STIM2: variants seen among roughly 807,000 people sequenced by gnomAD.
The protein encoded by STIM2 is stromal interaction molecule 2.
In STIM2, 31 loss-of-function variants were observed where a neutral mutation model predicts 85.8. That is an observed-to-expected ratio of 0.36 (90% confidence interval 0.27 to 0.49). The LOEUF is 0.49. Ranked by LOEUF, STIM2 falls within the 20% of genes least tolerant of loss-of-function variation. STIM2 has a pLI of 0.98. For synonymous variants in STIM2, 356 were observed against 331.1 expected, an observed-to-expected ratio of 1.08 and a Z score of -0.82; for missense variants, 841 against 927.6, an observed-to-expected ratio of 0.91 and a Z score of 1.21.
chr4:26,902,743 A>C (rs1296950823), intron 1 of STIM2, among the ~76,000 whole-genome samples: 1 of 152,122 alleles, frequency 6.6e-6, no homozygotes, highest in South Asian at 2.1e-4. Flanking sequence ...ATTTCTATCC[A>C]TTTGATGCCA....
At chr4:26,973,111 T>C (rs545403091) in intron 3 of STIM2, among the ~76,000 whole-genome samples, 2 of 152,300 alleles carry the variant, frequency 1.3e-5, no homozygotes, top group South Asian at 2.1e-4. Flanking sequence ...TTTTATTGTG[T>C]CTATTTGATT....
chr4:26,949,587 A>G (rs1725969482), intron 2 of STIM2, among the ~76,000 whole-genome samples: 1 of 152,218 alleles, frequency 6.6e-6, no homozygotes, highest in Non-Finnish European at 1.5e-5. Context: ...AAGTGGTAAT[A>G]ACCTCTAATC....
At chr4:26,921,900 C>A (rs1156393867) in intron 2 of STIM2, among the ~76,000 whole-genome samples, 2 of 152,170 alleles carry the variant, frequency 1.3e-5, no homozygotes, top group Non-Finnish European at 2.9e-5. Flanking sequence ...TGATTAAAAT[C>A]ATTCGATTAG....
chr4:26,895,514 CTTT>C (rs1723666920), intron 1 of STIM2, among the ~76,000 whole-genome samples: 1 of 152,092 alleles, frequency 6.6e-6, no homozygotes, highest in South Asian at 2.1e-4. Flanking sequence ...CTTTTCCTAA[CTTT>C]TTTTAGTATG....
chr4:26,970,260 T>A (rs1192297530), intron 3 of STIM2, among the ~76,000 whole-genome samples: 3 of 146,204 alleles, frequency 2.1e-5, no homozygotes, highest in South Asian at 2.1e-4. Context: ...TGTATTTTTT[T>A]ATTATACTTT....
chr4:26,921,992 T>G (rs1375565924), intron 2 of STIM2, among the ~76,000 whole-genome samples: 14 of 152,226 alleles, frequency 9.2e-5, no homozygotes, highest in Admixed American at 9.2e-4. Context: ...AACCACCGAC[T>G]ATATGATAAT....
At chr4:26,893,906 TGAGACA>T (rs1723597698) in intron 1 of STIM2, among the ~76,000 whole-genome samples, 1 of 152,170 alleles carries the variant, frequency 6.6e-6, no homozygotes, top group Non-Finnish European at 1.5e-5. Context: ...AATTATTTTT[TGAGACA>T]GAGTCTTGTT....
chr4:26,965,033 A>G (rs980243117), intron 3 of STIM2, among the ~76,000 whole-genome samples: 9 of 152,188 alleles, frequency 5.9e-5, no homozygotes, highest in African/African-American at 2.2e-4. Flanking sequence ...TATGCTACAA[A>G]TACCTGTGCT....
intron 1 of STIM2, among the ~76,000 whole-genome samples, chr4:26,905,028 A>G (rs1724072936): frequency 6.6e-6 from 1 of 152,180 alleles, no homozygotes; most frequent in South Asian, 2.1e-4. Context: ...GTTCTCTTCA[A>G]ATAGCTTCAT....
intron 2 of STIM2, among the ~76,000 whole-genome samples, chr4:26,932,058 T>C (rs1024294372): frequency 1.3e-5 from 2 of 152,228 alleles, no homozygotes; most frequent in African/African-American, 4.8e-5. Context: ...TACTATGGTA[T>C]GGACTCCTTA....
chr4:27,002,184 G>A (rs1198326768), intron 5 of STIM2, 33 bp from the exon 6 acceptor site: 2 of 1,548,834 alleles, frequency 1.3e-6, no homozygotes, highest in Admixed American at 4.2e-5. Flanking sequence ...CATACTCAAA[G>A]ATTAATTTAA....
chr4:26,865,061 A>G (rs1722350199), intron 1 of STIM2, among the ~76,000 whole-genome samples: 1 of 152,166 alleles, frequency 6.6e-6, no homozygotes, highest in South Asian at 2.1e-4. Context: ...AGATAGCCTG[A>G]GAGACCTTTG....
intron 1 of STIM2, among the ~76,000 whole-genome samples, chr4:26,918,417 G>T (rs1409564918): frequency 6.6e-6 from 1 of 151,966 alleles, no homozygotes; most frequent in African/African-American, 2.4e-5. Context: ...AAGGACAAGT[G>T]ATTTGTCCAC....
At position 27,003,076 on chromosome 4, in the gene STIM2, G is replaced by A. The variant is rs756946958; in HGVS notation, c.953G>A (p.Arg318His). 5 of 1,588,956 alleles carry A rather than the reference G, an allele frequency of 3.1e-6. No homozygotes were observed. The highest frequency in any genetic ancestry group is 2.3e-5 in the East Asian group (1 of 42,886). ...GGAGCTGAATGTGAATTGAGTAGAC[G>A]TCAGTATGCAGAACAGGAATTGGAA... The change falls in exon 7 of 12, where the codon CGT becomes CAT. Residue 318 changes from arginine (R) to histidine (H), a missense_variant. Coordinates refer to ENST00000467087, the MANE Select transcript of STIM2 (RefSeq NM_020860.4).
chr4:26,881,602 T>A (rs772363433), intron 1 of STIM2: 22 of 152,302 alleles, frequency 1.4e-4, no homozygotes, highest in South Asian at 8.3e-4. Context: ...TTCCCAGCCT[T>A]TAGACCTGTA....
intron 3 of STIM2, among the ~76,000 whole-genome samples, chr4:26,968,946 A>G (rs1046071593): frequency 1.3e-5 from 2 of 152,162 alleles, no homozygotes; most frequent in Admixed American, 6.5e-5. Context: ...TTGAACACCT[A>G]CTATGTGTTA....
At chr4:26,878,606 G>A (rs896232501) in intron 1 of STIM2, among the ~76,000 whole-genome samples, 19 of 151,938 alleles carry the variant, frequency 1.3e-4, no homozygotes, top group African/African-American at 4.1e-4. Flanking sequence ...TTCCTTCCAG[G>A]TTTTGTGTTC....
chr4:26,908,779 C>T (rs116710529), intron 1 of STIM2, among the ~76,000 whole-genome samples: 90 of 152,346 alleles, frequency 5.9e-4, no homozygotes, highest in Admixed American at 2.1e-3. Context: ...CCACTGCACC[C>T]GGCCACAGTC....
At chr4:26,951,084 G>C (rs929221061) in intron 2 of STIM2, among the ~76,000 whole-genome samples, 18 of 152,032 alleles carry the variant, frequency 1.2e-4, no homozygotes, top group Non-Finnish European at 2.2e-4. Flanking sequence ...ATTTTGCCCT[G>C]ATGGTGTCAT....
Sources: gnomAD v4.1 joint callset for allele counts (sites outside exome capture counted in the v4.1 genomes callset) on GRCh38, gnomAD v4.1.1 for gene constraint, MANE v1.5 for transcripts, NCBI Gene and HGNC (gene_info 2026-07-23, HGNC 2026-07-21) for gene names.